AP1G1: variants seen among roughly 807,000 people sequenced by gnomAD.
AP1G1 encodes the protein AP-1 complex subunit gamma-1.
AP1G1 carries 7 observed loss-of-function variants against 108.3 expected under a neutral mutation model. That is an observed-to-expected ratio of 0.06 (90% confidence interval 0.04 to 0.12). AP1G1 has a LOEUF of 0.12. Ranked by LOEUF, AP1G1 falls within the 10% of genes least tolerant of loss-of-function variation. The pLI is 1.00. For synonymous variants in AP1G1, 379 were observed against 353.5 expected (o/e 1.07, Z -0.81); for missense variants, 756 against 1,010.7 (o/e 0.75, Z 3.42).
In AP1G1 at chr16:71,738,933, T is replaced by C. The variant is rs2045584947; in HGVS notation, c.2268+9A>G. On this transcript the variant is annotated intron_variant, in intron 21 of 22. Coordinates refer to ENST00000299980, the MANE Select transcript of AP1G1 (RefSeq NM_001128.6). ...TCAAAGGAAACATCTAAAGAAGACA[T>C]TGTAGTACCTTTGGTACTGCAGCTT... 4 of 1,607,872 alleles carry C rather than the reference T, an allele frequency of 2.5e-6. No individual in the cohort carries two copies. Among genetic ancestry groups the C allele is most frequent in the Non-Finnish European group, 3.4e-6 (4 of 1,176,818 alleles).
intron 1 of AP1G1, chr16:71,808,163 T>C (rs1028036839): frequency 1.5e-5 from 17 of 1,138,700 alleles, no homozygotes; most frequent in Non-Finnish European, 1.7e-5. Context: ...GAGAAAAGGG[T>C]AAACAGTATA....
At chr16:71,736,233 C>T (rs2045538553) in intron 21 of AP1G1, among the ~76,000 whole-genome samples, 1 of 143,636 alleles carries the variant, frequency 7.0e-6, no homozygotes. Context: ...TGTAAGATAC[C>T]AATCGTAATT....
chr16:71,739,760 A>G (rs554900561), intron 19 of AP1G1, among the ~76,000 whole-genome samples: 1 of 152,024 alleles, frequency 6.6e-6, no homozygotes, highest in African/African-American at 2.4e-5. Context: ...AAAAAAAAAA[A>G]AAGTAAAGAG....
chr16:71,808,209 T>A (rs76100194), intron 1 of AP1G1: 16 of 250,960 alleles, frequency 6.4e-5, no homozygotes, highest in Non-Finnish European at 9.1e-5. Flanking sequence ...AACAACAACA[T>A]ATACACACAC....
chr16:71,807,683 A>T, intron 1 of AP1G1: 7 of 609,498 alleles, frequency 1.1e-5, no homozygotes, highest in South Asian at 1.1e-4. Flanking sequence ...TTTTAGAATC[A>T]GTCAGCAAAG....
Position 71,782,227 on chromosome 16 carries a change from G to A in AP1G1, c.201+7052C>T, listed in dbSNP as rs578041986. On this transcript the variant is annotated intron_variant, in intron 2 of 22. Transcript: ENST00000299980. ...CAACCAGGATGGAGTGCAGTGGCACGATCTCGCCTCACTGCAACCTCCGCC... is the reference window on the plus strand; with the variant it reads ...CAACCAGGATGGAGTGCAGTGGCACAATCTCGCCTCACTGCAACCTCCGCC... Among the ~76,000 whole-genome samples, 12 of 151,112 alleles carry A rather than the reference G, an allele frequency of 7.9e-5. No homozygotes were observed. In the East Asian group the frequency reaches 1.8e-3, roughly 22 times the overall value.
chr16:71,739,020 T>TAC lies in AP1G1; in HGVS notation c.2188_2189dup (p.Thr731Ter). The TAC allele has an allele frequency of 6.2e-7, 1 of 1,614,186 alleles. No homozygotes were observed. The highest frequency in any genetic ancestry group is 2.2e-5 in the East Asian group (1 of 44,884). On this transcript the variant is annotated frameshift_variant, in exon 21 of 23. Transcript: ENST00000299980. LOFTEE classifies it high-confidence loss of function. Reference sequence around the variant, plus strand: ...TGGAGGCCTGTATCGTTATCACTGTTACACTGGGGTTGGTATTTGACCGTT... The same window carrying TAC: ...TGGAGGCCTGTATCGTTATCACTGTTACACACTGGGGTTGGTATTTGACCGTT...
intron 2 of AP1G1, among the ~76,000 whole-genome samples, chr16:71,786,987 C>A (rs2032227416): frequency 1.3e-5 from 2 of 151,882 alleles, no homozygotes; most frequent in Admixed American, 6.6e-5. Flanking sequence ...GTGTCCACTG[C>A]ACAATCCAGC....
chr16:71,746,603 T>C lies in AP1G1; in HGVS notation c.1715A>G (p.Lys572Arg). 6.2e-7 allele frequency: 1 copy of C among 1,609,126 alleles called. No homozygotes were observed. The highest frequency in any genetic ancestry group is 8.5e-7 in the Non-Finnish European group (1 of 1,177,054). Residue 572 changes from lysine (K) to arginine (R), a missense_variant, in exon 17 of 23, where the codon AAA becomes AGA. Coordinates refer to ENST00000299980, the MANE Select transcript of AP1G1 (RefSeq NM_001128.6). ...TTTCGCTCACCTCATGTGGTCATATTTCTTGAAAAGTGCATTATATTCTAC... is the reference window on the plus strand; with the variant it reads ...TTTCGCTCACCTCATGTGGTCATATCTCTTGAAAAGTGCATTATATTCTAC... ...RAVEYNALFKKYDHMRSALLE... is the reference protein window; with the variant it reads ...RAVEYNALFKRYDHMRSALLE...
At chr16:71,764,840 T>A in intron 7 of AP1G1, 114 bp from the exon 8 acceptor site, 1 of 661,184 alleles carries the variant, frequency 1.5e-6, no homozygotes, top group Non-Finnish European at 2.6e-6. Flanking sequence ...TGGAACCATT[T>A]ATTCATATCA....
rs556394739 is a variant in AP1G1, at chr16:71,765,677, G to C, written c.643-93C>G. 62 of 960,508 alleles carry C rather than the reference G, an allele frequency of 6.5e-5. No homozygotes were observed. In the South Asian group the frequency reaches 7.7e-4, roughly 12 times the overall value. 59.5% of individuals were successfully genotyped at this position (960,508 alleles called of 1,614,324 possible). On this transcript the variant is annotated intron_variant, in intron 6 of 22. Transcript: ENST00000299980. Reference sequence around the variant, plus strand: ...TTTGGTTTAGAAAAAGGGTGTAAGGGTCCCAGTCCAAGCAAATTCTACTGA... The same window carrying C: ...TTTGGTTTAGAAAAAGGGTGTAAGGCTCCCAGTCCAAGCAAATTCTACTGA...
At chr16:71,791,815 G>A (rs2032412885) in intron 1 of AP1G1, among the ~76,000 whole-genome samples, 1 of 143,438 alleles carries the variant, frequency 7.0e-6, no homozygotes, top group African/African-American at 2.6e-5. Context: ...AGGCTGGAGT[G>A]CAATGGCGCA....
At chr16:71,734,974 G>A (rs2045515455) in intron 21 of AP1G1, among the ~76,000 whole-genome samples, 1 of 152,174 alleles carries the variant, frequency 6.6e-6, no homozygotes, top group African/African-American at 2.4e-5. Context: ...AGGAATTCTA[G>A]CCTACCTCTT....
Position 71,783,230 on chromosome 16 carries a change from T to A in AP1G1, c.201+6049A>T, listed in dbSNP as rs112790558. Among the ~76,000 whole-genome samples, 543 of 151,932 alleles carry A rather than the reference T, an allele frequency of 3.6e-3. 8 individuals are homozygous for A. Among genetic ancestry groups the A allele is most frequent in the African/African-American group, 0.013 (519 of 41,420 alleles). ...TTGCAATAATGTACTACCTGTACAG[T>A]GTAATAAGAAAATAAGAAAATGTAT... is the stretch of plus-strand genomic sequence containing the variant. On this transcript the variant is annotated intron_variant, in intron 2 of 22. Coordinates refer to ENST00000299980, the MANE Select transcript of AP1G1 (RefSeq NM_001128.6).
In AP1G1 at chr16:71,768,192, TAAAA is replaced by T. The variant is rs10610445; in HGVS notation, c.642+1427_642+1430del. 5.9e-3 allele frequency among the ~76,000 whole-genome samples: 592 copies of T among 99,806 alleles called. 3 individuals carry two copies. Among genetic ancestry groups the T allele is most frequent in the South Asian group, 0.013 (38 of 2,864 alleles). The allele number at this position is 99,806 out of a possible 152,430, so 65.5% of individuals were successfully genotyped here. On this transcript the variant is annotated intron_variant, in intron 6 of 22. Transcript: ENST00000299980. ...AAATGTCCAGTTTAAAATACTAGTTTAAAAAAAAAAAAAAAAAAAAAAAGGCCGG... is the reference window on the plus strand; with the variant it reads ...AAATGTCCAGTTTAAAATACTAGTTTAAAAAAAAAAAAAAAAAAAGGCCGG...
intron 11 of AP1G1, among the ~76,000 whole-genome samples, chr16:71,756,580 C>T (rs1202343798): frequency 6.6e-6 from 1 of 152,142 alleles, no homozygotes; most frequent in African/African-American, 2.4e-5. Context: ...ACTTTTATTA[C>T]ACCCCACTCT....
In AP1G1 at chr16:71,747,618, C is replaced by T. The variant is rs118062994; in HGVS notation, c.1625+633G>A. On this transcript the variant is annotated intron_variant, in intron 16 of 22. Transcript: ENST00000299980. Reference sequence around the variant, plus strand: ...AATATAAAATACAAATAAACCAAAACCTTTATATGGGGAAGTAGATTCTCA... The same window carrying T: ...AATATAAAATACAAATAAACCAAAATCTTTATATGGGGAAGTAGATTCTCA... 6.4e-3 allele frequency among the ~76,000 whole-genome samples: 969 copies of T among 151,480 alleles called. 14 individuals are homozygous for T. The highest frequency in any genetic ancestry group is 0.043 in the East Asian group (220 of 5,142).
intron 11 of AP1G1, among the ~76,000 whole-genome samples, chr16:71,758,097 G>A (rs1025068893): frequency 7.2e-5 from 11 of 152,146 alleles, no homozygotes; most frequent in African/African-American, 2.7e-4. Context: ...TACCTGTTCT[G>A]TGCAAATCAA....
intron 21 of AP1G1, among the ~76,000 whole-genome samples, chr16:71,735,834 T>C (rs1032574981): frequency 2.0e-5 from 3 of 151,518 alleles, no homozygotes; most frequent in African/African-American, 7.3e-5. Context: ...GAAGATTCAC[T>C]CTCAATGTAC....
Sources: gnomAD v4.1 joint callset for allele counts (sites outside exome capture counted in the v4.1 genomes callset) on GRCh38, gnomAD v4.1.1 for gene constraint, MANE v1.5 for transcripts, NCBI Gene and HGNC (gene_info 2026-07-23, HGNC 2026-07-21) for gene names.